The following ITGAE variants were observed in gnomAD, a reference collection of about 807,000 sequenced individuals.
The protein encoded by ITGAE is integrin alpha-E.
A neutral mutation model predicts 136.5 loss-of-function variants in ITGAE; 99 were observed. The ratio of observed to expected loss-of-function variants is 0.73; its 90% CI spans 0.62 to 0.86. ITGAE has a LOEUF of 0.86. ITGAE is among the 40% of genes least tolerant of loss of function. ITGAE has a pLI of 0.00. For synonymous variants in ITGAE, 613 were observed against 591.8 expected (o/e 1.04, Z -0.52); for missense variants, 1,447 against 1,515.3 (o/e 0.95, Z 0.75).
intron 26 of ITGAE, chr17:3,724,307 G>T: frequency 6.3e-7 from 1 of 1,588,494 alleles, no homozygotes. Context: ...GGCCCCCGCA[G>T]AAGTGCAGCA....
In ITGAE at chr17:3,777,622, G is replaced by C. The variant is rs752782756; in HGVS notation, c.73C>G (p.Arg25Gly). The C allele has an allele frequency of 6.2e-7, 1 of 1,613,752 alleles. No homozygotes were observed. The highest frequency in any genetic ancestry group is 1.3e-5 in the African/African-American group (1 of 74,940). ...CCTCCCTTGGGCGTGAGCCAGGGCC[G>C]GGCCACATCCACATTGAAAGCGGCC... ...LLAAFNVDVA[R>G]PWLTPKGGAP... is the part of the protein sequence containing the mutation. Residue 25 changes from arginine to glycine, a missense_variant, in exon 2 of 31, where the codon CGG becomes GGG. Around this residue, in one of 3 missense-constraint regions of ITGAE, gnomAD observed 106 missense variants for 87.8 expected, o/e 1.21. Coordinates refer to ENST00000263087, the MANE Select transcript of ITGAE (RefSeq NM_002208.5).
At chr17:3,766,360 AAGG>A (rs993060370) in intron 2 of ITGAE, among the ~76,000 whole-genome samples, 2 of 152,088 alleles carry the variant, frequency 1.3e-5, no homozygotes, top group African/African-American at 4.8e-5. Context: ...CTGCAGGCCT[AAGG>A]AGGAGGAGGA....
chr17:3,716,979 C>A, intron 29 of ITGAE, 181 bp from the exon 30 acceptor site: 1 of 550,614 alleles, frequency 1.8e-6, no homozygotes. Flanking sequence ...TCATCTAAAA[C>A]TATCCAATCA....
At chr17:3,795,991 G>GTT (rs2053072936) in intron 1 of ITGAE, among the ~76,000 whole-genome samples, 1 of 148,124 alleles carries the variant, frequency 6.8e-6, no homozygotes, top group Admixed American at 6.7e-5. Context: ...GTGTGCATCT[G>GTT]TGTGTGCATC....
intron 16 of ITGAE, among the ~76,000 whole-genome samples, chr17:3,749,954 T>G (rs146114458): frequency 0.014 from 2,175 of 152,084 alleles, 55 homozygotes; most frequent in African/African-American, 0.05. Flanking sequence ...AGGCGGAGGT[T>G]GCAGTGAACC....
At chr17:3,728,368 C>CT (rs569101162) in intron 24 of ITGAE, 200 bp from the exon 25 acceptor site, 39,589 of 186,890 alleles carry the variant, frequency 0.21, 3,904 homozygotes, top group East Asian at 0.33. Flanking sequence ...ACACTCATCC[C>CT]TTTTTTTTTT....
intron 5 of ITGAE, 30 bp downstream of exon 5, chr17:3,761,373 A>T (rs750527785): frequency 6.3e-7 from 1 of 1,592,900 alleles, no homozygotes; most frequent in East Asian, 2.2e-5. Context: ...CTTTAGAGCT[A>T]TCCAAGGCCA....
At position 3,748,045 on chromosome 17, in the gene ITGAE, G is replaced by A; in HGVS notation, c.2032C>T (p.Pro678Ser). ...LGQAVVFRSR[P>S]VVRLKVSMAF... Reference sequence around the variant, plus strand: ...ATGGAGACCTTCAGGCGAACCACAGGCCGGGAGCTAAACAAGACAGCAAAG... The same window carrying A: ...ATGGAGACCTTCAGGCGAACCACAGACCGGGAGCTAAACAAGACAGCAAAG... Residue 678 changes from proline (P) to serine (S), a missense_variant, in exon 17 of 31, where the codon CCT (proline) becomes TCT (serine). Physicochemically the swap from Pro to Ser is moderately conservative, Grantham distance 74. This residue lies in a region of ITGAE where 1,031 missense variants were observed against 1,011.4 expected (regional missense o/e 1.02). Coordinates refer to ENST00000263087, the MANE Select transcript of ITGAE (RefSeq NM_002208.5). The A allele has an allele frequency of 6.2e-7, 1 of 1,610,504 alleles. No homozygotes were observed. Among genetic ancestry groups the A allele is most frequent in the Non-Finnish European group, 8.5e-7 (1 of 1,177,942 alleles).
At chr17:3,717,164 A>G (rs761240467) in intron 29 of ITGAE, 11 of 181,520 alleles carry the variant, frequency 6.1e-5, no homozygotes, top group Non-Finnish European at 1.3e-4. Flanking sequence ...TATGTCCCTG[A>G]GCCCCGTGCC....
At chr17:3,760,081 T>G in intron 7 of ITGAE, 91 bp downstream of exon 7, 1 of 783,614 alleles carries the variant, frequency 1.3e-6, no homozygotes, top group South Asian at 1.6e-5. Flanking sequence ...ATGTGACCCA[T>G]AGAATTGTGA....
At chr17:3,755,371 C>A in intron 11 of ITGAE, 110 bp from the exon 12 acceptor site, 2 of 1,288,528 alleles carry the variant, frequency 1.6e-6, no homozygotes, top group Non-Finnish European at 2.1e-6. Flanking sequence ...AGCAGGGGGG[C>A]GTTCGGTGGT....
At chr17:3,785,333 C>T (rs1425428601) in intron 1 of ITGAE, among the ~76,000 whole-genome samples, 1 of 151,716 alleles carries the variant, frequency 6.6e-6, no homozygotes, top group Non-Finnish European at 1.5e-5. Context: ...GGCAGGCATG[C>T]TGACAGCCAC....
chr17:3,728,807 G>A (rs982805138), intron 24 of ITGAE, among the ~76,000 whole-genome samples: 3 of 151,232 alleles, frequency 2.0e-5, no homozygotes, highest in South Asian at 2.1e-4. Flanking sequence ...CGAGGCAGGC[G>A]GATCACCTGA....
intron 1 of ITGAE, among the ~76,000 whole-genome samples, chr17:3,797,378 G>A (rs1290700825): frequency 6.6e-6 from 1 of 151,102 alleles, no homozygotes; most frequent in Non-Finnish European, 1.5e-5. Context: ...TGTTAGCCAG[G>A]ATGGTCTCGA....
rs756762702 is a variant in ITGAE, at chr17:3,751,652, G to A, written c.1891C>T (p.Gln631Ter). Residue 631 changes from glutamine (Q) to a stop codon, truncating the protein, a stop_gained and splice_region_variant, in exon 15 of 31, where the codon CAG (glutamine) becomes TAG (stop). Transcript: ENST00000263087. LOFTEE classifies it high-confidence loss of function. ...AAGGAGAGGGCCCCATGGGTCACCT[G>A]CGAGGGGCTGGCGGAGAGGCCGTCC... ...HWDGLSASPS[Q>*]RIRASTVAPG... 2 of 1,613,400 alleles carry A rather than the reference G, an allele frequency of 1.2e-6. No homozygotes were observed. Among genetic ancestry groups the A allele is most frequent in the Non-Finnish European group, 1.7e-6 (2 of 1,179,532 alleles).
intron 28 of ITGAE, among the ~76,000 whole-genome samples, chr17:3,723,025 T>C (rs1239955026): frequency 6.6e-6 from 1 of 152,158 alleles, no homozygotes; most frequent in African/African-American, 2.4e-5. Context: ...GGCCCTGAAA[T>C]GGCAGGGCTT....
chr17:3,769,372 C>G (rs1283885227), intron 2 of ITGAE, among the ~76,000 whole-genome samples: 2 of 151,516 alleles, frequency 1.3e-5, no homozygotes, highest in African/African-American at 2.4e-5. Flanking sequence ...CTGCGCGTTC[C>G]CAGGAGGCCA....
chr17:3,792,115 T>A (rs754673698), intron 1 of ITGAE, among the ~76,000 whole-genome samples: 2 of 152,144 alleles, frequency 1.3e-5, no homozygotes, highest in Non-Finnish European at 2.9e-5. Flanking sequence ...TATTTAATTT[T>A]ATTTTATTTA....
intron 26 of ITGAE, among the ~76,000 whole-genome samples, chr17:3,727,525 A>G (rs929222811): frequency 2.6e-5 from 4 of 151,198 alleles, no homozygotes; most frequent in East Asian, 1.9e-4. Context: ...TCAGCCTCCC[A>G]AGTAGCTGGG....
Sources: allele counts gnomAD v4.1 joint callset (sites outside exome capture counted in the v4.1 genomes callset), GRCh38; gene constraint gnomAD v4.1.1; regional missense constraint gnomAD v4.1.1; transcripts MANE v1.5; gene names NCBI Gene and HGNC (gene_info 2026-07-23, HGNC 2026-07-21).